AP5Z1: variants seen among roughly 807,000 people sequenced by gnomAD.
AP5Z1 encodes adaptor related protein complex 5 subunit zeta 1, also known as AP-5 complex subunit zeta-1.
A neutral mutation model predicts 83.0 loss-of-function variants in AP5Z1; 106 were observed. That is an observed-to-expected ratio of 1.28 (90% CI 1.09 to 1.50). The LOEUF (loss-of-function observed/expected upper bound fraction) is 1.50. Among genes scored for constraint, AP5Z1 ranks in the 40% most tolerant of loss-of-function variants. The probability of loss-of-function intolerance (pLI) is 0.00; values close to 1 mark genes in which losing one functional copy is unlikely to be tolerated. For synonymous variants in AP5Z1, 751 were observed against 514.1 expected, an observed-to-expected ratio of 1.46 and a Z score of -6.23; for missense variants, 1,565 against 1,094.2, an observed-to-expected ratio of 1.43 and a Z score of -6.07.
chr7:4,791,095 G>A lies in AP5Z1; in HGVS notation c.2154-20G>A. Reference sequence around the variant, plus strand: ...GGGAGGGGAGCATCTGCAGCTGACGGAGGGACCTTCTTTCCCCAGGGCCTC... The same window carrying A: ...GGGAGGGGAGCATCTGCAGCTGACGAAGGGACCTTCTTTCCCCAGGGCCTC... On this transcript the variant is annotated intron_variant, in intron 16 of 16. Coordinates refer to ENST00000649063, the MANE Select transcript of AP5Z1 (RefSeq NM_014855.3). 6.4e-7 allele frequency: 1 copy of A among 1,558,490 alleles called. No homozygotes were observed.
chr7:4,780,102 G>T (rs1379349026), intron 1 of AP5Z1, among the ~76,000 whole-genome samples: 2 of 152,094 alleles, frequency 1.3e-5, no homozygotes, highest in African/African-American at 2.4e-5. Context: ...CCTTCTCAGG[G>T]AGTCCCCAGA....
rs1781794630 is a variant in AP5Z1 at position 4,792,066 on chromosome 7, T to G, written c.*681T>G. 6.6e-6 allele frequency: 1 copy of G among 152,216 alleles called. No homozygotes were observed. The highest frequency in any genetic ancestry group is 2.4e-5 in the African/African-American group (1 of 41,420). The allele number at this position is 152,216 out of a possible 1,614,324, so 9.4% of individuals were successfully genotyped here. A position where few individuals can be genotyped will look rare whatever the true frequency, so the allele number is the denominator to read the frequency against. On this transcript the variant is annotated 3_prime_UTR_variant, in exon 17 of 17. Transcript: ENST00000649063. ...TATGCAGGCTGCGGCCTCTGGCCATTCGGAGGGAAGGCCCCAGGGAGCCAC... is the reference window on the plus strand; with the variant it reads ...TATGCAGGCTGCGGCCTCTGGCCATGCGGAGGGAAGGCCCCAGGGAGCCAC...
rs547027427 is a variant in AP5Z1, at chr7:4,788,633, C to G, written c.1596-207C>G. The G allele has an allele frequency of 1.5e-4, 79 of 531,862 alleles. 2 individuals are homozygous for G. The highest frequency in any genetic ancestry group is 1.3e-3 in the African/African-American group (66 of 51,500). 32.9% of individuals were successfully genotyped at this position (531,862 alleles called of 1,614,324 possible). A position where few individuals can be genotyped will look rare whatever the true frequency, so the allele number is the denominator to read the frequency against. On this transcript the variant is annotated intron_variant, in intron 12 of 16. Coordinates refer to ENST00000649063, the MANE Select transcript of AP5Z1 (RefSeq NM_014855.3). ...ACAGGCCTCCTGCCCTCAGCCCACG[C>G]CAGCCTTTGTCCCGATGGCTTTACT...
Position 4,791,397 on chromosome 7 carries a change from C to A in AP5Z1, c.*12C>A. 2 of 1,596,092 alleles carry A rather than the reference C, an allele frequency of 1.3e-6. No homozygotes were observed. The highest frequency in any genetic ancestry group is 1.7e-6 in the Non-Finnish European group (2 of 1,171,086). On this transcript the variant is annotated 3_prime_UTR_variant, in exon 17 of 17. Coordinates refer to ENST00000649063, the MANE Select transcript of AP5Z1 (RefSeq NM_014855.3). ...TCATGCCAGGGTGAAGGGACAGTGG[C>A]CAGGGACTTCGGTGCAGATTAAGAG...
rs1583243718 is a variant in AP5Z1 at position 4,791,383 on chromosome 7, T to G, written c.2422T>G (p.Ter808GlyextTer24). Residue 808 changes from the stop codon to glycine, a stop_lost, in exon 17 of 17, where the codon TGA (stop) becomes GGA (glycine). Coordinates refer to ENST00000649063, the MANE Select transcript of AP5Z1 (RefSeq NM_014855.3). ...VEREAGLMPG* is the reference protein window; with the variant it reads ...VEREAGLMPGG ...GAGGGAGGCCGGCCTCATGCCAGGG[T>G]GAAGGGACAGTGGCCAGGGACTTCG... 3 of 1,603,132 alleles carry G rather than the reference T, an allele frequency of 1.9e-6. No homozygotes were observed. In the South Asian group the frequency reaches 3.3e-5, roughly 18 times the overall value.
chr7:4,782,390 G>A (rs962919191), intron 3 of AP5Z1, among the ~76,000 whole-genome samples: 2 of 152,168 alleles, frequency 1.3e-5, no homozygotes, highest in African/African-American at 4.8e-5. Context: ...GGATCCAGGG[G>A]TTCACAGGCT....
In AP5Z1 at chr7:4,775,732, C is replaced by G. The variant is rs924924218; in HGVS notation, c.17C>G (p.Ala6Gly). Residue 6 changes from alanine to glycine, a missense_variant, in exon 1 of 17, where the codon GCG becomes GGG. Physicochemically the swap from Ala to Gly is moderately conservative, Grantham distance 60 (BLOSUM62 0). Transcript: ENST00000649063. ...GGCGGCGTGATGTTCTCGGCAGGAG[C>G]GGAGAGTTTGCTCCACCAGGCCAGG... MFSAGAESLLHQAREI... is the reference protein window; with the variant it reads MFSAGGESLLHQAREI... 2 of 1,606,124 alleles carry G rather than the reference C, an allele frequency of 1.2e-6. No individual in the cohort carries two copies. Among genetic ancestry groups the G allele is most frequent in the Non-Finnish European group, 8.5e-7 (1 of 1,179,690 alleles).
Position 4,783,665 on chromosome 7 carries a change from C to T in AP5Z1, c.512-24C>T, listed in dbSNP as rs763255463. On this transcript the variant is annotated intron_variant, in intron 4 of 16. Coordinates refer to ENST00000649063, the MANE Select transcript of AP5Z1 (RefSeq NM_014855.3). Reference sequence around the variant, plus strand: ...CATCTGTAGGATTCAACCTCACCTCCCCATGCCACCCCACCCACTGCAGAC... The same window carrying T: ...CATCTGTAGGATTCAACCTCACCTCTCCATGCCACCCCACCCACTGCAGAC... 36 of 1,544,226 alleles carry T rather than the reference C, an allele frequency of 2.3e-5. No homozygotes were observed. The South Asian group carries it at 3.9e-4, about 17-fold the overall frequency.
At chr7:4,776,562 CAAAAAAAAAA>C (rs55916241) in intron 1 of AP5Z1, among the ~76,000 whole-genome samples, 34 of 82,416 alleles carry the variant, frequency 4.1e-4, no homozygotes, top group Non-Finnish European at 7.0e-4. Flanking sequence ...ACTGAAAATA[CAAAAAAAAAA>C]AAAAAAAAAA....
Position 4,785,405 on chromosome 7 carries a change from C to A in AP5Z1, c.932-10C>A, listed in dbSNP as rs1781509963. On this transcript the variant is annotated splice_polypyrimidine_tract_variant and intron_variant, in intron 7 of 16. Coordinates refer to ENST00000649063, the MANE Select transcript of AP5Z1 (RefSeq NM_014855.3). Reference sequence around the variant, plus strand: ...AGACAGAGCCGGCTGACTTTTTCCCCTCCTTCCAGGAGCCCTGAGGAAGGG... The same window carrying A: ...AGACAGAGCCGGCTGACTTTTTCCCATCCTTCCAGGAGCCCTGAGGAAGGG... 1.9e-6 allele frequency: 3 copies of A among 1,612,738 alleles called. No individual in the cohort carries two copies. The highest frequency in any genetic ancestry group is 1.1e-5 in the South Asian group (1 of 90,904).
rs531636023 is a variant in AP5Z1 at position 4,781,667 on chromosome 7, G to T, written c.279G>T (p.Met93Ile). 5.6e-6 allele frequency: 9 copies of T among 1,603,736 alleles called. No individual in the cohort carries two copies. In the East Asian group the frequency reaches 1.8e-4, roughly 32 times the overall value. ...QVLCAAILRE[M>I]SPSDSLSLAW... is the part of the protein sequence containing the mutation. The stretch of plus-strand genomic sequence containing the variant: ...TTTGCGCCGCCATCCTGCGAGAGAT[G>T]TCCCCCTCTGACAGCCTCAGCCTGG... Residue 93 changes from methionine to isoleucine, a missense_variant, in exon 3 of 17, where the codon ATG becomes ATT. Transcript: ENST00000649063.
chr7:4,790,830 C>A lies in AP5Z1; in HGVS notation c.2096C>A (p.Thr699Asn). 1 of 1,609,370 alleles carries A rather than the reference C, an allele frequency of 6.2e-7. No individual in the cohort carries two copies. Among genetic ancestry groups the A allele is most frequent in the Non-Finnish European group, 8.5e-7 (1 of 1,178,882 alleles). Reference sequence around the variant, plus strand: ...CCCAGGTGTCCCCCCCAGGTGGTCACCGTGCTGATGACCACGCTGACGAAG... The same window carrying A: ...CCCAGGTGTCCCCCCCAGGTGGTCAACGTGCTGATGACCACGCTGACGAAG... ...ALPRCPPQVV[T>N]VLMTTLTKLA... Residue 699 changes from threonine (T) to asparagine (N), a missense_variant, in exon 16 of 17, where the codon ACC (threonine) becomes AAC (asparagine). Thr to Asn is a moderately conservative substitution (Grantham distance 65, BLOSUM62 0). Coordinates refer to ENST00000649063, the MANE Select transcript of AP5Z1 (RefSeq NM_014855.3).
chr7:4,783,397 C>G lies in AP5Z1; in HGVS notation c.448C>G (p.Leu150Val). 2 of 1,613,264 alleles carry G rather than the reference C, an allele frequency of 1.2e-6. No individual in the cohort carries two copies. The highest frequency in any genetic ancestry group is 2.2e-5 in the East Asian group (1 of 44,858). ...GAGCCGGCAGCCTGAGGGACCCAGC[C>G]TCAGACACCTCCTCCCCGTCATGGC... ...LESRQPEGPSLRHLLPVMAKV... is the reference protein window; with the variant it reads ...LESRQPEGPSVRHLLPVMAKV... Residue 150 changes from leucine to valine, a missense_variant, in exon 4 of 17, where the codon CTC (leucine) becomes GTC (valine). By Grantham distance (32) the Leu-to-Val change is conservative. Transcript: ENST00000649063.
chr7:4,775,644 C>CGGGGTGCGGAGCTCCT lies in AP5Z1; in HGVS notation c.-68_-53dup, dbSNP rs1781202670. ...ACGTGACGCGGTCCCGGAAGTTGAC[C>CGGGGTGCGGAGCTCCT]GGGGTGCGGAGCTCCTGGGCTGCAG... On this transcript the variant is annotated 5_prime_UTR_variant, in exon 1 of 17. Coordinates refer to ENST00000649063, the MANE Select transcript of AP5Z1 (RefSeq NM_014855.3). The CGGGGTGCGGAGCTCCT allele has an allele frequency of 2.5e-6, 4 of 1,591,242 alleles. No individual in the cohort carries two copies. Among genetic ancestry groups the CGGGGTGCGGAGCTCCT allele is most frequent in the Middle Eastern group, 1.7e-4 (1 of 6,032 alleles).
intron 3 of AP5Z1, among the ~76,000 whole-genome samples, chr7:4,782,937 T>A (rs750154388): frequency 9.2e-5 from 14 of 152,300 alleles, no homozygotes; most frequent in Non-Finnish European, 1.8e-4. Flanking sequence ...GCTGCTCAGA[T>A]GTTTCAGCAC....
chr7:4,779,437 A>G (rs1254678792), intron 1 of AP5Z1, among the ~76,000 whole-genome samples: 4 of 128,674 alleles, frequency 3.1e-5, no homozygotes, highest in East Asian at 2.0e-4. Flanking sequence ...CATATATAAC[A>G]TATATAACAT....
rs1169326017 is a variant in AP5Z1, at chr7:4,784,230, G to C, written c.649G>C (p.Ala217Pro). ...QPGPVTEVDG[A>P]VATDFFTVLS... The stretch of plus-strand genomic sequence containing the variant: ...GGGCCCCGTCACCGAGGTGGACGGG[G>C]CGGTAGCCACAGACTTCTTCACGGT... The change falls in exon 6 of 17, where the codon GCG becomes CCG. Residue 217 changes from alanine to proline, a missense_variant. Ala to Pro is a conservative substitution (Grantham distance 27, BLOSUM62 -1). Transcript: ENST00000649063. 7.5e-6 allele frequency: 12 copies of C among 1,590,064 alleles called. No homozygotes were observed. The highest frequency in any genetic ancestry group is 1.0e-5 in the Non-Finnish European group (12 of 1,170,448).
At chr7:4,787,257 C>G (rs937015567) in intron 10 of AP5Z1, among the ~76,000 whole-genome samples, 1 of 151,894 alleles carries the variant, frequency 6.6e-6, no homozygotes, top group Non-Finnish European at 1.5e-5. Flanking sequence ...CCTCGGGAGG[C>G]CAAGGCAGGA....
chr7:4,787,617 C>T lies in AP5Z1; in HGVS notation c.1312-17C>T. On this transcript the variant is annotated splice_polypyrimidine_tract_variant and intron_variant, in intron 10 of 16. Coordinates refer to ENST00000649063, the MANE Select transcript of AP5Z1 (RefSeq NM_014855.3). ...ACAGCTCCGAGCCGTGTCCGAACCG[C>T]TGTGCTGTGCCCACAGTTCCTGGCC... 1 of 1,548,466 alleles carries T rather than the reference C, an allele frequency of 6.5e-7. No individual in the cohort carries two copies. The highest frequency in any genetic ancestry group is 8.7e-7 in the Non-Finnish European group (1 of 1,147,080).
Sources: gnomAD v4.1 joint callset for allele counts (sites outside exome capture counted in the v4.1 genomes callset) on GRCh38, gnomAD v4.1.1 for gene constraint, MANE v1.5 for transcripts, NCBI Gene and HGNC (gene_info 2026-07-23, HGNC 2026-07-21) for gene names.